The following NXPH1 variants were observed in gnomAD, a reference collection of about 807,000 sequenced individuals.
NXPH1 encodes neurexophilin-1.
Under a neutral mutation model 23.7 loss-of-function variants are expected in NXPH1, and 5 were observed. The ratio of observed to expected loss-of-function variants is 0.21; its 90% CI spans 0.11 to 0.44. NXPH1 has a LOEUF of 0.44. Among genes scored for constraint, NXPH1 ranks in the 20% least tolerant of loss-of-function variants. The pLI is 0.99. For missense variants in NXPH1, 324 were observed against 321.6 expected (o/e 1.01, Z -0.06); for synonymous variants, 144 against 122.2 (o/e 1.18, Z -1.18).
intron 2 of NXPH1, among the ~76,000 whole-genome samples, chr7:8,499,923 T>G (rs1441851424): frequency 6.6e-6 from 1 of 152,086 alleles, no homozygotes; most frequent in Non-Finnish European, 1.5e-5. Context: ...ACCACTTCCC[T>G]CATGAGGAAG....
At chr7:8,701,460 T>G (rs968353103) in intron 2 of NXPH1, among the ~76,000 whole-genome samples, 8 of 152,128 alleles carry the variant, frequency 5.3e-5, no homozygotes, top group African/African-American at 1.9e-4. Context: ...ACAGTACTTC[T>G]TATTGTTCTC....
intron 2 of NXPH1, among the ~76,000 whole-genome samples, chr7:8,666,965 A>G (rs1031567071): frequency 6.6e-6 from 1 of 151,810 alleles, no homozygotes; most frequent in Non-Finnish European, 1.5e-5. Context: ...TTTTTTGTTC[A>G]TCTACTATAG....
At chr7:8,451,353 T>A (rs1816503961) in intron 2 of NXPH1, among the ~76,000 whole-genome samples, 1 of 152,186 alleles carries the variant, frequency 6.6e-6, no homozygotes, top group South Asian at 2.1e-4. Context: ...GACTTTTGAT[T>A]GCTTCTTCTG....
At chr7:8,491,787 C>G (rs930405175) in intron 2 of NXPH1, among the ~76,000 whole-genome samples, 1 of 152,044 alleles carries the variant, frequency 6.6e-6, no homozygotes, top group South Asian at 2.1e-4. Context: ...ATTCATTTTC[C>G]AAGAAACATG....
chr7:8,600,059 T>C (rs901165169), intron 2 of NXPH1, among the ~76,000 whole-genome samples: 9 of 152,094 alleles, frequency 5.9e-5, no homozygotes, highest in African/African-American at 2.2e-4. Context: ...TTTTCCAACA[T>C]TTTCAAATTT....
chr7:8,645,449 A>G (rs1583212314), intron 2 of NXPH1, among the ~76,000 whole-genome samples: 1 of 151,962 alleles, frequency 6.6e-6, no homozygotes, highest in Non-Finnish European at 1.5e-5. Flanking sequence ...ATGGTATTCA[A>G]ACTCCCTCTG....
intron 2 of NXPH1, among the ~76,000 whole-genome samples, chr7:8,586,249 A>G (rs1818978230): frequency 6.6e-6 from 1 of 152,202 alleles, no homozygotes; most frequent in African/African-American, 2.4e-5. Flanking sequence ...ATACTGTACT[A>G]GAACCTCATA....
intron 2 of NXPH1, among the ~76,000 whole-genome samples, chr7:8,601,146 G>A (rs1819350270): frequency 1.3e-5 from 2 of 152,020 alleles, no homozygotes; most frequent in South Asian, 4.1e-4. Context: ...CTCAGATACC[G>A]AGGGATGAGT....
Position 8,437,869 on chromosome 7 carries a change from C to A in NXPH1, c.54+2102C>A, listed in dbSNP as rs559517391. On this transcript the variant is annotated intron_variant, in intron 2 of 2. Transcript: ENST00000405863. Reference sequence around the variant, plus strand: ...ATACAGAGAAAGGAGACAATTTTTCCAATTTCACTCAAAACAATACGAAAT... The same window carrying A: ...ATACAGAGAAAGGAGACAATTTTTCAAATTTCACTCAAAACAATACGAAAT... Among the ~76,000 whole-genome samples, 4 of 152,334 alleles carry A rather than the reference C, an allele frequency of 2.6e-5. No individual in the cohort carries two copies. The South Asian group carries it at 8.3e-4, about 32-fold the overall frequency.
chr7:8,555,006 G>T (rs1321086056), intron 2 of NXPH1, among the ~76,000 whole-genome samples: 1 of 151,670 alleles, frequency 6.6e-6, no homozygotes, highest in East Asian at 2.0e-4. Flanking sequence ...TCTTCTGCCA[G>T]AGCTTGATAG....
intron 2 of NXPH1, among the ~76,000 whole-genome samples, chr7:8,745,044 C>T (rs1028066429): frequency 1.3e-5 from 2 of 152,164 alleles, no homozygotes; most frequent in Non-Finnish European, 2.9e-5. Context: ...GTAGTGACTC[C>T]CTATTTCCTG....
chr7:8,686,698 T>C (rs1821150481), intron 2 of NXPH1, among the ~76,000 whole-genome samples: 1 of 152,164 alleles, frequency 6.6e-6, no homozygotes, highest in South Asian at 2.1e-4. Context: ...TGCCTTTGGT[T>C]CTAATCTTGT....
chr7:8,466,313 G>T (rs1276260598), intron 2 of NXPH1, among the ~76,000 whole-genome samples: 1 of 152,216 alleles, frequency 6.6e-6, no homozygotes, highest in Admixed American at 6.5e-5. Flanking sequence ...CTGTATACAA[G>T]ATGGACACTA....
intron 2 of NXPH1, among the ~76,000 whole-genome samples, chr7:8,636,708 A>G (rs2115138983): frequency 6.6e-6 from 1 of 152,278 alleles, no homozygotes; most frequent in South Asian, 2.1e-4. Context: ...ATGATGACAT[A>G]CGTTACACAC....
chr7:8,491,017 T>G (rs1817240323), intron 2 of NXPH1, among the ~76,000 whole-genome samples: 2 of 152,060 alleles, frequency 1.3e-5, no homozygotes, highest in Admixed American at 6.6e-5. Context: ...TAGTGACACC[T>G]GCGACACCTG....
At chr7:8,513,755 C>T (rs1817646712) in intron 2 of NXPH1, among the ~76,000 whole-genome samples, 1 of 152,080 alleles carries the variant, frequency 6.6e-6, no homozygotes, top group Non-Finnish European at 1.5e-5. Context: ...TCAAGAGAAC[C>T]ACCTATGTCC....
chr7:8,627,512 G>A (rs976899825), intron 2 of NXPH1, among the ~76,000 whole-genome samples: 2 of 152,114 alleles, frequency 1.3e-5, no homozygotes, highest in Non-Finnish European at 2.9e-5. Flanking sequence ...TTGAGTAGTA[G>A]GATCGCAGGG....
chr7:8,671,929 C>G (rs1249673459), intron 2 of NXPH1, among the ~76,000 whole-genome samples: 1 of 152,056 alleles, frequency 6.6e-6, no homozygotes, highest in Non-Finnish European at 1.5e-5. Context: ...ATCCTTTGCC[C>G]ACTTTTTGAT....
intron 2 of NXPH1, among the ~76,000 whole-genome samples, chr7:8,512,004 T>G (rs1436679332): frequency 6.6e-6 from 1 of 151,930 alleles, no homozygotes; most frequent in Admixed American, 6.6e-5. Flanking sequence ...TAGAGATGAG[T>G]CTCACTACAG....
Sources: allele counts gnomAD v4.1 joint callset (sites outside exome capture counted in the v4.1 genomes callset), GRCh38; gene constraint gnomAD v4.1.1; transcripts MANE v1.5; gene names NCBI Gene and HGNC (gene_info 2026-07-23, HGNC 2026-07-21).